The following NBAS variants were observed in gnomAD, a reference collection of about 807,000 sequenced individuals.
NBAS encodes NAG/BC035112 fusion.
NBAS carries 219 observed loss-of-function variants against 302.5 expected under a neutral mutation model. The ratio of observed to expected loss-of-function variants is 0.72; its 90% CI spans 0.65 to 0.81. The LOEUF is 0.81. NBAS is among the 30% of genes least tolerant of loss of function. NBAS has a pLI of 0.00. For missense variants in NBAS, 2,932 were observed against 2,841.6 expected (o/e 1.03, Z -0.72); for synonymous variants, 1,118 against 1,021.6 (o/e 1.09, Z -1.80).
intron 40 of NBAS, among the ~76,000 whole-genome samples, chr2:15,304,745 G>A (rs1374216238): frequency 6.6e-6 from 1 of 152,210 alleles, no homozygotes; most frequent in African/African-American, 2.4e-5. Context: ...CTAGAGACCT[G>A]TAGAACTTTG....
intron 40 of NBAS, among the ~76,000 whole-genome samples, chr2:15,295,166 A>G (rs1273582917): frequency 6.6e-6 from 1 of 152,212 alleles, no homozygotes; most frequent in African/African-American, 2.4e-5. Context: ...GCTGATTTCT[A>G]TTCTTTTTGT....
At chr2:15,263,340 C>T (rs184997502) in intron 44 of NBAS, among the ~76,000 whole-genome samples, 74 of 152,234 alleles carry the variant, frequency 4.9e-4, no homozygotes, top group African/African-American at 1.6e-3. Context: ...GCAATCCGCC[C>T]GCTTCAGCTT....
intron 35 of NBAS, 65 bp downstream of exon 35, chr2:15,351,927 T>A: frequency 8.4e-7 from 1 of 1,186,648 alleles, no homozygotes; most frequent in Non-Finnish European, 1.3e-6. Context: ...TCCACAAGGT[T>A]AGGTAATCCC....
chr2:15,446,517 T>C (rs1678750326), intron 21 of NBAS, among the ~76,000 whole-genome samples: 1 of 152,102 alleles, frequency 6.6e-6, no homozygotes, highest in Non-Finnish European at 1.5e-5. Context: ...GAATTCAACA[T>C]CAGCACTGCA....
the NBAS span, among the ~76,000 whole-genome samples, chr2:14,988,205 T>A: frequency 6.6e-6 from 1 of 152,202 alleles, no homozygotes; most frequent in Non-Finnish European, 1.5e-5. Context: ...CCAACTCTTT[T>A]CTTGAATTTG....
At chr2:15,415,484 A>C in intron 25 of NBAS, 62 bp downstream of exon 25, 7 of 1,436,652 alleles carry the variant, frequency 4.9e-6, no homozygotes, top group Non-Finnish European at 5.9e-6. Flanking sequence ...AATTGTATAA[A>C]TAAAACCTAA....
At chr2:15,300,451 A>T (rs1478723688) in intron 40 of NBAS, among the ~76,000 whole-genome samples, 1 of 152,202 alleles carries the variant, frequency 6.6e-6, no homozygotes, top group South Asian at 2.1e-4. Flanking sequence ...TCAAATAATG[A>T]GCCATTAGGC....
At chr2:14,935,311 T>A in the NBAS span, among the ~76,000 whole-genome samples, 1 of 152,232 alleles carries the variant, frequency 6.6e-6, no homozygotes, top group Non-Finnish European at 1.5e-5. Flanking sequence ...GACATTTTTA[T>A]GTCAGCATCA....
rs550587004 is a variant in NBAS, at chr2:15,202,469, TAATC to T, written c.6433-12070_6433-12067del. Among the ~76,000 whole-genome samples the T allele has an allele frequency of 2.4e-3, 359 of 152,318 alleles. 2 individuals carry two copies. Among genetic ancestry groups the T allele is most frequent in the African/African-American group, 6.8e-3 (283 of 41,576 alleles). ...TTATAAATTTTTTCTCTAAGACAAA[TAATC>T]AATCATATAGTGCCATGTGACCCCC... On this transcript the variant is annotated intron_variant, in intron 48 of 51. Coordinates refer to ENST00000281513, the MANE Select transcript of NBAS (RefSeq NM_015909.4).
chr2:15,224,117 T>G (rs942737773), intron 47 of NBAS, among the ~76,000 whole-genome samples: 1 of 152,202 alleles, frequency 6.6e-6, no homozygotes, highest in Non-Finnish European at 1.5e-5. Context: ...ACATGTCCAT[T>G]GAATGACTAA....
At chr2:14,949,462 T>C in the NBAS span, among the ~76,000 whole-genome samples, 4 of 152,070 alleles carry the variant, frequency 2.6e-5, no homozygotes, top group African/African-American at 9.7e-5. Context: ...AAGACATACA[T>C]ATGGCCAACA....
At chr2:15,446,786 T>G (rs1412577442) in intron 21 of NBAS, among the ~76,000 whole-genome samples, 1 of 152,026 alleles carries the variant, frequency 6.6e-6, no homozygotes, top group Non-Finnish European at 1.5e-5. Flanking sequence ...AACATTATTT[T>G]AAGTTCTTAC....
the NBAS span, among the ~76,000 whole-genome samples, chr2:15,110,646 C>T: frequency 3.3e-5 from 5 of 152,084 alleles, no homozygotes; most frequent in Non-Finnish European, 5.9e-5. Context: ...CCCTCTCATG[C>T]AGGTGATTGG....
At chr2:15,098,452 T>A in the NBAS span, among the ~76,000 whole-genome samples, 6 of 65,890 alleles carry the variant, frequency 9.1e-5, no homozygotes, top group African/African-American at 1.9e-4. Context: ...TATTGTATAT[T>A]ATATATTATA....
At chr2:15,208,281 T>A (rs1666239362) in intron 48 of NBAS, among the ~76,000 whole-genome samples, 1 of 152,016 alleles carries the variant, frequency 6.6e-6, no homozygotes, top group South Asian at 2.1e-4. Flanking sequence ...AAACACCAGA[T>A]CTTATGAGAT....
intron 34 of NBAS, among the ~76,000 whole-genome samples, chr2:15,352,699 G>A (rs925409929): frequency 1.3e-5 from 2 of 152,054 alleles, no homozygotes; most frequent in Non-Finnish European, 2.9e-5. Context: ...CAGCTGCAGC[G>A]TTCTTCCCTT....
the NBAS span, among the ~76,000 whole-genome samples, chr2:14,781,898 G>GAAGCATGA: frequency 6.6e-6 from 1 of 152,060 alleles, no homozygotes; most frequent in Non-Finnish European, 1.5e-5. Context: ...TCTAACTCCT[G>GAAGCATGA]AAGCATGAAA....
At chr2:15,215,347 G>C (rs1034277502) in intron 48 of NBAS, among the ~76,000 whole-genome samples, 4 of 152,188 alleles carry the variant, frequency 2.6e-5, no homozygotes, top group African/African-American at 4.8e-5. Context: ...TAATTTTGCA[G>C]GAGCTGGCTG....
chr2:15,418,456 G>T (rs11691286), intron 23 of NBAS, among the ~76,000 whole-genome samples: 94,845 of 152,010 alleles, frequency 0.62, 30,353 homozygotes, highest in Middle Eastern at 0.68. Flanking sequence ...GGACCTACTA[G>T]AAGCTAAGCA....
Sources: allele counts gnomAD v4.1 joint callset (sites outside exome capture counted in the v4.1 genomes callset), GRCh38; gene constraint gnomAD v4.1.1; transcripts MANE v1.5; gene names NCBI Gene and HGNC (gene_info 2026-07-23, HGNC 2026-07-21).